EEF1AKMT2: variants seen among roughly 807,000 people sequenced by gnomAD.
EEF1AKMT2 encodes the protein eukaryotic translation elongation factor 1 alpha lysine methyltransferase 2.
EEF1AKMT2 carries 32 observed loss-of-function variants against 35.8 expected under a neutral mutation model. The observed-to-expected ratio is 0.89, with a 90% CI of 0.67 to 1.20. The LOEUF is 1.20. Ranked by LOEUF, EEF1AKMT2 falls within the 50% of genes most tolerant of loss-of-function variation. The pLI is 0.00. For missense variants in EEF1AKMT2, 330 were observed against 347.5 expected (o/e 0.95, Z 0.40); for synonymous variants, 121 against 133.7 (o/e 0.91, Z 0.65).
intron 5 of EEF1AKMT2, among the ~76,000 whole-genome samples, chr10:124,762,967 T>C (rs1950344958): frequency 3.3e-5 from 5 of 152,330 alleles, no homozygotes; most frequent in South Asian, 2.1e-4. Flanking sequence ...TATTTCAAAA[T>C]AGAATATACC....
chr10:124,791,606 C>T (rs1357254569), intron 1 of EEF1AKMT2, 118 bp downstream of exon 1: 5 of 1,428,158 alleles, frequency 3.5e-6, no homozygotes, highest in South Asian at 1.3e-5. Flanking sequence ...GCCCTGCTCC[C>T]GTCACGCCCC....
intron 3 of EEF1AKMT2, among the ~76,000 whole-genome samples, chr10:124,780,112 C>T (rs556735130): frequency 6.6e-6 from 1 of 152,126 alleles, no homozygotes; most frequent in African/African-American, 2.4e-5. Flanking sequence ...TTAGGCTTTG[C>T]CAGCCATACA....
chr10:124,772,159 T>C (rs904594399), intron 4 of EEF1AKMT2, among the ~76,000 whole-genome samples: 1 of 152,172 alleles, frequency 6.6e-6, no homozygotes, highest in Non-Finnish European at 1.5e-5. Flanking sequence ...ATCAGCTGCA[T>C]TAGCCCCCTC....
At chr10:124,764,605 C>A (rs1222194996) in intron 5 of EEF1AKMT2, among the ~76,000 whole-genome samples, 1 of 152,220 alleles carries the variant, frequency 6.6e-6, no homozygotes, top group Non-Finnish European at 1.5e-5. Flanking sequence ...CAATTCCCTA[C>A]ATTTTAATTC....
rs568620079 is a variant in EEF1AKMT2 at position 124,776,815 on chromosome 10, A to C, written c.292-2033T>G. Among the ~76,000 whole-genome samples, 103 of 152,176 alleles carry C rather than the reference A, an allele frequency of 6.8e-4. 3 individuals are homozygous for C. The South Asian group carries it at 0.021, about 30-fold the overall frequency. On this transcript the variant is annotated intron_variant, in intron 3 of 6. Coordinates refer to ENST00000368836, the MANE Select transcript of EEF1AKMT2 (RefSeq NM_212554.4). ...TGTCTCAAAAAAAATAAAATAAAAAATAACATAATTGAAAAATACAGTAAT... is the reference window on the plus strand; with the variant it reads ...TGTCTCAAAAAAAATAAAATAAAAACTAACATAATTGAAAAATACAGTAAT...
chr10:124,778,454 TG>T (rs1950507625), intron 3 of EEF1AKMT2, among the ~76,000 whole-genome samples: 1 of 152,078 alleles, frequency 6.6e-6, no homozygotes, highest in African/African-American at 2.4e-5. Flanking sequence ...CTCAGCATGG[TG>T]GCTTATGCCT....
rs1837560593 is a variant in EEF1AKMT2 at position 124,761,386 on chromosome 10, A to C, written c.*-883T>G. ...TGTACTTAATACCACATAAGTATAC[A>C]CTTAAAAATGGTTATAAAATGGTAT... On this transcript the variant is annotated intron_variant, in intron 6 of 6. Transcript: ENST00000368836. 2.0e-5 allele frequency among the ~76,000 whole-genome samples: 3 copies of C among 152,314 alleles called. No homozygotes were observed. The South Asian group carries it at 6.2e-4, about 32-fold the overall frequency.
At chr10:124,785,895 C>CAAAA (rs34637624) in intron 3 of EEF1AKMT2, among the ~76,000 whole-genome samples, 107 of 59,266 alleles carry the variant, frequency 1.8e-3, no homozygotes, top group East Asian at 3.1e-3. Context: ...GACTCTGTCT[C>CAAAA]AAAAAAAAAA....
intron 3 of EEF1AKMT2, among the ~76,000 whole-genome samples, chr10:124,780,960 T>A (rs1950534411): frequency 6.6e-6 from 1 of 152,126 alleles, no homozygotes; most frequent in Non-Finnish European, 1.5e-5. Flanking sequence ...TAACTTTTTT[T>A]TTTTGAGACG....
intron 4 of EEF1AKMT2, 114 bp from the exon 5 acceptor site, chr10:124,765,722 T>TATAATGGCA (rs1286209716): frequency 2.8e-6 from 2 of 720,444 alleles, no homozygotes; most frequent in Non-Finnish European, 4.5e-6. Context: ...ATAATGGCAT[T>TATAATGGCA]TTACATATAA....
chr10:124,787,689 T>G (rs375161431), intron 3 of EEF1AKMT2, among the ~76,000 whole-genome samples: 1 of 150,544 alleles, frequency 6.6e-6, no homozygotes, highest in Non-Finnish European at 1.5e-5. Flanking sequence ...GAGGCTACAA[T>G]GTGCCATGAT....
chr10:124,769,248 A>ATATATATATATATATATATATATATATG (rs60863408), intron 4 of EEF1AKMT2, among the ~76,000 whole-genome samples: 1 of 63,820 alleles, frequency 1.6e-5, no homozygotes, highest in African/African-American at 5.5e-5. Context: ...ATATATATAT[A>ATATATATATATATATATATATATATATG]TGTGTGTATA....
chr10:124,772,183 A>G (rs115195209), intron 4 of EEF1AKMT2, among the ~76,000 whole-genome samples: 207 of 152,262 alleles, frequency 1.4e-3, no homozygotes, highest in African/African-American at 4.6e-3. Context: ...CAATAATGTC[A>G]GCCTCTCCTC....
chr10:124,768,251 C>T (rs1021104292), intron 4 of EEF1AKMT2, among the ~76,000 whole-genome samples: 13 of 152,278 alleles, frequency 8.5e-5, no homozygotes, highest in Admixed American at 6.5e-5. Context: ...AATCTATTTA[C>T]AATGCAATGG....
At position 124,790,341 on chromosome 10, in the gene EEF1AKMT2, A is replaced by G. The variant is rs763892974; in HGVS notation, c.111-3T>C. Reference sequence around the variant, plus strand: ...CTCTCTCATAGACAGCATCCCAACTATGTAAACAATGAAATGCAAAGCAAG... The same window carrying G: ...CTCTCTCATAGACAGCATCCCAACTGTGTAAACAATGAAATGCAAAGCAAG... On this transcript the variant is annotated splice_region_variant and splice_polypyrimidine_tract_variant and intron_variant, in intron 1 of 6. Transcript: ENST00000368836. 6.4e-5 allele frequency: 103 copies of G among 1,603,650 alleles called. No homozygotes were observed. The Admixed American group carries it at 1.7e-3, about 26-fold the overall frequency.
chr10:124,769,812 T>C (rs1306262721), intron 4 of EEF1AKMT2, among the ~76,000 whole-genome samples: 1 of 151,524 alleles, frequency 6.6e-6, no homozygotes, highest in East Asian at 2.0e-4. Context: ...CCGGGCATGG[T>C]GGCACATGCC....
At chr10:124,788,965 A>T in intron 3 of EEF1AKMT2, 78 bp downstream of exon 3, 1 of 843,036 alleles carries the variant, frequency 1.2e-6, no homozygotes, top group Non-Finnish European at 1.9e-6. Context: ...TTAGATGGTT[A>T]ATATCCTCAA....
intron 2 of EEF1AKMT2, 87 bp from the exon 3 acceptor site, chr10:124,789,244 C>A: frequency 1.3e-6 from 1 of 798,716 alleles, no homozygotes; most frequent in South Asian, 1.8e-5. Flanking sequence ...ACCATATGCT[C>A]AAACTCTTAT....
intron 4 of EEF1AKMT2, among the ~76,000 whole-genome samples, chr10:124,769,598 T>A (rs995174540): frequency 1.1e-4 from 17 of 152,272 alleles, no homozygotes; most frequent in African/African-American, 3.6e-4. Context: ...ATAGAAGTTA[T>A]GTTTACACTG....
Sources: allele counts gnomAD v4.1 joint callset (sites outside exome capture counted in the v4.1 genomes callset), GRCh38; gene constraint gnomAD v4.1.1; transcripts MANE v1.5; gene names NCBI Gene and HGNC (gene_info 2026-07-23, HGNC 2026-07-21).